Variants in RANBP2 observed in about 807,000 individuals in gnomAD.
RANBP2 encodes the protein E3 SUMO-protein ligase RanBP2.
In RANBP2, 57 loss-of-function variants were observed where a neutral mutation model predicts 303.6. That is an observed-to-expected ratio of 0.19 (90% CI 0.15 to 0.23). The LOEUF (loss-of-function observed/expected upper bound fraction) is 0.23. Ranked by LOEUF, RANBP2 falls within the 10% of genes least tolerant of loss-of-function variation. The pLI is 1.00. For synonymous variants in RANBP2, 1,167 were observed against 1,301.5 expected, an observed-to-expected ratio of 0.90 and a Z score of 2.23; for missense variants, 3,138 against 3,780.8, an observed-to-expected ratio of 0.83 and a Z score of 4.46.
the RANBP2 span, among the ~76,000 whole-genome samples, chr2:108,914,333 A>C: frequency 6.6e-6 from 1 of 152,166 alleles, no homozygotes; most frequent in Non-Finnish European, 1.5e-5. Context: ...GGAGGAAAAG[A>C]ACTACCCATG....
At chr2:109,142,069 T>C in the RANBP2 span, among the ~76,000 whole-genome samples, 5 of 151,054 alleles carry the variant, frequency 3.3e-5, 1 homozygote, top group African/African-American at 1.2e-4. Context: ...GGTATGTGCC[T>C]AGAACTTCTG....
the RANBP2 span, among the ~76,000 whole-genome samples, chr2:109,121,249 T>TAAAACAAAACAAAACAAAAC: frequency 3.4e-5 from 5 of 148,622 alleles, no homozygotes; most frequent in African/African-American, 5.0e-5. Flanking sequence ...TCCATCTCTC[T>TAAAACAAAACAAAACAAAAC]AAAACAAAAC....
the RANBP2 span, among the ~76,000 whole-genome samples, chr2:109,431,586 G>A: frequency 6.6e-6 from 1 of 152,148 alleles, no homozygotes; most frequent in Non-Finnish European, 1.5e-5. Flanking sequence ...TTCCTTATTT[G>A]CAAATAAGAC....
chr2:109,177,382 A>C, the RANBP2 span, among the ~76,000 whole-genome samples: 8 of 152,212 alleles, frequency 5.3e-5, no homozygotes, highest in Non-Finnish European at 1.0e-4. Context: ...CTGCCATTGT[A>C]GCATGAATAA....
the RANBP2 span, among the ~76,000 whole-genome samples, chr2:108,825,771 A>G: frequency 6.6e-6 from 1 of 152,104 alleles, no homozygotes; most frequent in Non-Finnish European, 1.5e-5. Context: ...TTATCCACAA[A>G]TTTTTGTATG....
At chr2:109,622,418 G>T in the RANBP2 span, among the ~76,000 whole-genome samples, 2 of 152,154 alleles carry the variant, frequency 1.3e-5, no homozygotes, top group African/African-American at 4.8e-5. Context: ...TCATACTATT[G>T]CAGAAGAGAG....
chr2:109,440,800 C>T, the RANBP2 span, among the ~76,000 whole-genome samples: 2 of 152,026 alleles, frequency 1.3e-5, no homozygotes, highest in Admixed American at 6.6e-5. Flanking sequence ...CAGAGCACGC[C>T]CTGAGATCTT....
Position 108,740,635 on chromosome 2 carries a change from G to C in RANBP2, c.929G>C (p.Arg310Pro), listed in dbSNP as rs765648480. ...CAGCATAGTAGTAATGTTCAATGGC[G>C]AGCTCTTTCTGAGCTGGCTGCATTG... ...MGQHSSNVQW[R>P]ALSELAALCY... The change falls in exon 7 of 29, where the codon CGA becomes CCA. Residue 310 changes from arginine (R) to proline (P), a missense_variant. This residue lies in a region of RANBP2 where 306 missense variants were observed against 381.9 expected (regional missense o/e 0.80). Coordinates refer to ENST00000283195, the MANE Select transcript of RANBP2 (RefSeq NM_006267.5). 6.3e-7 allele frequency: 1 copy of C among 1,597,466 alleles called. No homozygotes were observed. Among genetic ancestry groups the C allele is most frequent in the Non-Finnish European group, 8.5e-7 (1 of 1,179,758 alleles).
At chr2:109,060,198 T>A in the RANBP2 span, among the ~76,000 whole-genome samples, 5 of 151,964 alleles carry the variant, frequency 3.3e-5, no homozygotes, top group Non-Finnish European at 7.4e-5. Context: ...CAAGACTCTA[T>A]CTCAAAAAAG....
At chr2:109,438,621 A>G in the RANBP2 span, among the ~76,000 whole-genome samples, 4 of 152,210 alleles carry the variant, frequency 2.6e-5, no homozygotes, top group Non-Finnish European at 5.9e-5. Flanking sequence ...GCCCTGGGAA[A>G]GAATCTGCAG....
chr2:108,941,886 T>A, the RANBP2 span, among the ~76,000 whole-genome samples: 1 of 152,032 alleles, frequency 6.6e-6, no homozygotes, highest in Non-Finnish European at 1.5e-5. Context: ...AGGAGGCCAG[T>A]GCCCGACAGC....
At chr2:109,733,106 A>G in the RANBP2 span, 2 of 540,196 alleles carry the variant, frequency 3.7e-6, no homozygotes, top group South Asian at 2.8e-5. Context: ...GAGAAGAGAG[A>G]GATCGCTGTC....
chr2:109,136,868 C>T, the RANBP2 span, among the ~76,000 whole-genome samples: 1 of 152,098 alleles, frequency 6.6e-6, no homozygotes, highest in Non-Finnish European at 1.5e-5. Flanking sequence ...TGTGCTGCAG[C>T]CGGGCTCTCT....
At chr2:109,478,522 G>A in the RANBP2 span, among the ~76,000 whole-genome samples, 13 of 152,336 alleles carry the variant, frequency 8.5e-5, no homozygotes, top group African/African-American at 3.1e-4. Flanking sequence ...CTGAGGTTCA[G>A]TCCTTGGCAT....
At chr2:109,285,700 G>C in the RANBP2 span, among the ~76,000 whole-genome samples, 1 of 152,350 alleles carries the variant, frequency 6.6e-6, no homozygotes, top group East Asian at 1.9e-4. Flanking sequence ...ATGAAAGCTT[G>C]CTTTTGCATC....
chr2:109,428,653 A>G, the RANBP2 span, among the ~76,000 whole-genome samples: 1 of 152,238 alleles, frequency 6.6e-6, no homozygotes. Context: ...GGTGGTGGTG[A>G]GGAAGGCTCT....
the RANBP2 span, among the ~76,000 whole-genome samples, chr2:108,958,076 G>A: frequency 6.6e-6 from 1 of 152,090 alleles, no homozygotes; most frequent in Non-Finnish European, 1.5e-5. Context: ...ATGCCCGTGA[G>A]CCTCACCCTC....
the RANBP2 span, among the ~76,000 whole-genome samples, chr2:109,359,941 C>A: frequency 6.6e-6 from 1 of 152,014 alleles, no homozygotes; most frequent in Non-Finnish European, 1.5e-5. Context: ...ATTTCTATGA[C>A]CATTGTTGAT....
At chr2:108,919,689 G>A in the RANBP2 span, among the ~76,000 whole-genome samples, 1 of 152,166 alleles carries the variant, frequency 6.6e-6, no homozygotes, top group East Asian at 1.9e-4. Flanking sequence ...GATTTCTGCT[G>A]CCCAGTGTCC....
Sources: gnomAD v4.1 joint callset for allele counts (sites outside exome capture counted in the v4.1 genomes callset) on GRCh38, gnomAD v4.1.1 for gene constraint, gnomAD v4.1.1 regional missense constraint, MANE v1.5 for transcripts, NCBI Gene and HGNC (gene_info 2026-07-23, HGNC 2026-07-21) for gene names.